Variants in GLIS3 observed in about 807,000 individuals in gnomAD.
The protein encoded by GLIS3 is GLIS family zinc finger 3.
GLIS3 carries 53 observed loss-of-function variants against 78.6 expected under a neutral mutation model. That is an observed-to-expected ratio of 0.67 (90% CI 0.54 to 0.85). The LOEUF is 0.85. GLIS3 is among the 40% of genes least tolerant of loss of function. GLIS3 has a pLI of 0.00. For synonymous variants in GLIS3, 684 were observed against 509.9 expected (o/e 1.34, Z -4.60); for missense variants, 1,703 against 1,231.1 (o/e 1.38, Z -5.74).
At chr9:4,263,167 C>T (rs1420844870) in intron 2 of GLIS3, among the ~76,000 whole-genome samples, 1 of 152,114 alleles carries the variant, frequency 6.6e-6, no homozygotes. Flanking sequence ...TAAAAGTGTT[C>T]CACATTCAAT....
At chr9:3,853,748 A>T (rs899227477) in intron 9 of GLIS3, among the ~76,000 whole-genome samples, 2 of 152,182 alleles carry the variant, frequency 1.3e-5, no homozygotes, top group Admixed American at 6.5e-5. Flanking sequence ...TAGAGAAAAA[A>T]GAAGAAATCA....
At chr9:4,053,489 C>T (rs1210573088) in intron 4 of GLIS3, among the ~76,000 whole-genome samples, 4 of 152,064 alleles carry the variant, frequency 2.6e-5, no homozygotes, top group African/African-American at 9.7e-5. Context: ...AGTTAATTGT[C>T]TACTTCTCTT....
At chr9:3,895,900 C>A (rs1290270925) in intron 7 of GLIS3, among the ~76,000 whole-genome samples, 1 of 152,172 alleles carries the variant, frequency 6.6e-6, no homozygotes, top group Admixed American at 6.5e-5. Context: ...CAACGGGTTT[C>A]CATCAAAATA....
intron 2 of GLIS3, among the ~76,000 whole-genome samples, chr9:4,134,359 T>C (rs1308093563): frequency 6.6e-6 from 1 of 152,194 alleles, no homozygotes; most frequent in Non-Finnish European, 1.5e-5. Flanking sequence ...ATATGAGTCT[T>C]ACACCTCCTT....
At chr9:4,074,929 T>C (rs7045656) in intron 4 of GLIS3, among the ~76,000 whole-genome samples, 1 of 151,914 alleles carries the variant, frequency 6.6e-6, no homozygotes, top group Non-Finnish European at 1.5e-5. Context: ...ACAGAAACTG[T>C]AGTTCTCCTT....
intron 2 of GLIS3, among the ~76,000 whole-genome samples, chr9:4,279,700 G>T (rs542832248): frequency 1.2e-3 from 1 of 862 alleles, no homozygotes; most frequent in African/African-American, 1.9e-3. Context: ...TTGGTCAGTC[G>T]GTTTGCTTAG....
chr9:4,071,177 G>C (rs1046736985), intron 4 of GLIS3: 4 of 152,116 alleles, frequency 2.6e-5, no homozygotes, highest in African/African-American at 9.7e-5. Flanking sequence ...TGGGAGGCAT[G>C]GGCTTCAAAT....
At chr9:4,170,066 T>C (rs1816240475) in intron 2 of GLIS3, among the ~76,000 whole-genome samples, 1 of 152,152 alleles carries the variant, frequency 6.6e-6, no homozygotes, top group Non-Finnish European at 1.5e-5. Context: ...ATATAGAAAC[T>C]GCCTTAAACC....
intron 3 of GLIS3, among the ~76,000 whole-genome samples, chr9:4,122,346 G>A (rs1832254784): frequency 6.6e-6 from 1 of 152,180 alleles, no homozygotes; most frequent in East Asian, 1.9e-4. Flanking sequence ...ATGTGCCTCA[G>A]CAAATCCCCT....
intron 4 of GLIS3, chr9:4,035,100 G>A (rs896275309): frequency 2.6e-5 from 4 of 152,162 alleles, no homozygotes; most frequent in African/African-American, 9.7e-5. Context: ...TAGTCTAAAA[G>A]TACTAGGAGT....
At chr9:4,268,959 T>C (rs979745386) in intron 2 of GLIS3, among the ~76,000 whole-genome samples, 18 of 152,214 alleles carry the variant, frequency 1.2e-4, no homozygotes, top group African/African-American at 4.3e-4. Context: ...GTTCAATACT[T>C]CAACAGCTGT....
At chr9:4,009,031 C>T (rs969716601) in intron 4 of GLIS3, among the ~76,000 whole-genome samples, 5 of 152,188 alleles carry the variant, frequency 3.3e-5, no homozygotes, top group African/African-American at 1.2e-4. Context: ...ACACATGCAA[C>T]TCATCCACTT....
intron 9 of GLIS3, among the ~76,000 whole-genome samples, chr9:3,848,346 C>T (rs140750414): frequency 1.3e-5 from 2 of 152,002 alleles, no homozygotes; most frequent in Middle Eastern, 3.4e-3. Flanking sequence ...ACTAAAAATA[C>T]AAAAAATTAG....
At chr9:4,357,840 A>T in the GLIS3 span, among the ~76,000 whole-genome samples, 1 of 152,176 alleles carries the variant, frequency 6.6e-6, no homozygotes, top group Non-Finnish European at 1.5e-5. Context: ...CACCATTCCC[A>T]TTGAATCTGT....
the GLIS3 span, among the ~76,000 whole-genome samples, chr9:4,355,498 T>C: frequency 6.7e-3 from 1,014 of 152,268 alleles, 14 homozygotes; most frequent in African/African-American, 0.023. Context: ...ACACAGTACA[T>C]AGCTAGCTCA....
intron 2 of GLIS3, among the ~76,000 whole-genome samples, chr9:4,238,861 C>G (rs962843662): frequency 6.6e-5 from 10 of 152,072 alleles, no homozygotes; most frequent in African/African-American, 2.4e-4. Flanking sequence ...GAGATGGACT[C>G]TAACTACTAA....
the GLIS3 span, among the ~76,000 whole-genome samples, chr9:4,428,726 T>A: frequency 6.6e-6 from 1 of 152,032 alleles, no homozygotes; most frequent in African/African-American, 2.4e-5. Context: ...GCCCTAGGAA[T>A]CCCGCAAAAG....
At chr9:3,851,840 T>C (rs903335165) in intron 9 of GLIS3, among the ~76,000 whole-genome samples, 1 of 152,176 alleles carries the variant, frequency 6.6e-6, no homozygotes, top group African/African-American at 2.4e-5. Context: ...AAACATGTTT[T>C]TGATTAAGAA....
intron 2 of GLIS3, among the ~76,000 whole-genome samples, chr9:4,248,133 G>C (rs1248479766): frequency 6.6e-6 from 1 of 152,136 alleles, no homozygotes; most frequent in Non-Finnish European, 1.5e-5. Flanking sequence ...TGCATGTGCA[G>C]AACGTCCAGG....
Sources: gnomAD v4.1 joint callset for allele counts (sites outside exome capture counted in the v4.1 genomes callset) on GRCh38, gnomAD v4.1.1 for gene constraint, MANE v1.5 for transcripts, NCBI Gene and HGNC (gene_info 2026-07-23, HGNC 2026-07-21) for gene names.